ZNF763: variants seen among roughly 807,000 people sequenced by gnomAD.
ZNF763 encodes zinc finger protein 763.
A neutral mutation model predicts 38.0 loss-of-function variants in ZNF763; 33 were observed. That is an observed-to-expected ratio of 0.87 (90% CI 0.66 to 1.16). ZNF763 has a LOEUF of 1.16. ZNF763 is among the 50% of genes most tolerant of loss of function. ZNF763 has a pLI of 0.00. For synonymous variants in ZNF763, 155 were observed against 160.1 expected (o/e 0.97, Z 0.24); for missense variants, 423 against 469.1 (o/e 0.90, Z 0.91).
intron 1 of ZNF763, 24 bp downstream of exon 1, chr19:11,965,235 C>G: frequency 1.2e-6 from 2 of 1,613,904 alleles, no homozygotes; most frequent in Non-Finnish European, 1.7e-6. Context: ...GCCGGTTGTC[C>G]CGAGACGGGG....
In ZNF763 at chr19:11,979,477, G is replaced by A. The variant is rs190285558; in HGVS notation, c.*368G>A. 2.0e-4 allele frequency: 325 copies of A among 1,603,426 alleles called. 3 individuals are homozygous for A. In the East Asian group the frequency reaches 6.1e-3, roughly 30 times the overall value. ...GACCTTATAAATGTAAGACATGTGGGAAAGGCTTTTATTCTCCCACGTCAT... is the reference window on the plus strand; with the variant it reads ...GACCTTATAAATGTAAGACATGTGGAAAAGGCTTTTATTCTCCCACGTCAT... On this transcript the variant is annotated 3_prime_UTR_variant, in exon 4 of 4. Transcript: ENST00000358987.
chr19:11,969,677 G>A lies in ZNF763; in HGVS notation c.3+4466G>A, dbSNP rs77889237. Among the ~76,000 whole-genome samples, 17 of 152,244 alleles carry A rather than the reference G, an allele frequency of 1.1e-4. No individual in the cohort carries two copies. In the East Asian group the frequency reaches 2.3e-3, roughly 21 times the overall value. ...ATTTTCCAAATATATGGGATGCAGC[G>A]TCTCAAATCCTCCACCCTCATACCA... On this transcript the variant is annotated intron_variant, in intron 1 of 3. Coordinates refer to ENST00000358987, the MANE Select transcript of ZNF763 (RefSeq NM_001367172.2).
intron 1 of ZNF763, among the ~76,000 whole-genome samples, chr19:11,968,297 A>G (rs1973279777): frequency 6.6e-6 from 1 of 152,134 alleles, no homozygotes. Flanking sequence ...TCTGTGGCCC[A>G]GGCTGGAGCA....
chr19:11,972,484 T>C (rs1036124689), intron 1 of ZNF763, among the ~76,000 whole-genome samples: 1 of 152,162 alleles, frequency 6.6e-6, no homozygotes, highest in African/African-American at 2.4e-5. Flanking sequence ...AATTGCACAA[T>C]GAATCCAAAT....
chr19:11,975,309 G>A lies in ZNF763; in HGVS notation c.4-1729G>A, dbSNP rs556558510. ...TGGTCTCGAACTCCCAACCTCAGAT[G>A]ATTTCCGCCCCACCCACACCCCCCA... On this transcript the variant is annotated intron_variant, in intron 1 of 3. Coordinates refer to ENST00000358987, the MANE Select transcript of ZNF763 (RefSeq NM_001367172.2). 8.6e-5 allele frequency among the ~76,000 whole-genome samples: 13 copies of A among 151,992 alleles called. No homozygotes were observed. The South Asian group carries it at 2.7e-3, about 32-fold the overall frequency.
chr19:11,980,591 G>A lies in ZNF763; in HGVS notation c.*1482G>A, dbSNP rs1268344936. ...AGGTTGGTTTAGTGAGTCACAGGAA[G>A]CTAATAAATTACAATAATAATGTAA... On this transcript the variant is annotated 3_prime_UTR_variant, in exon 4 of 4. Transcript: ENST00000358987. 2.6e-5 allele frequency among the ~76,000 whole-genome samples: 4 copies of A among 152,084 alleles called. No homozygotes were observed. The highest frequency in any genetic ancestry group is 9.7e-5 in the African/African-American group (4 of 41,398).
In ZNF763 at chr19:11,978,158, T is replaced by C. The variant is rs1303047738; in HGVS notation, c.234T>C (p.Ser78=). ...EGNVNEIKED[S]HCGETFTQVP... is the part of the protein sequence containing the mutation. The stretch of plus-strand genomic sequence containing the variant: ...ATGTCAATGAAATTAAAGAAGACAG[T>C]CATTGTGGAGAAACTTTTACCCAGG... Residue 78 remains serine (S), a synonymous_variant, in exon 4 of 4, where the codon AGT becomes AGC. Coordinates refer to ENST00000358987, the MANE Select transcript of ZNF763 (RefSeq NM_001367172.2). The C allele has an allele frequency of 6.2e-7, 1 of 1,613,740 alleles. No individual in the cohort carries two copies. The highest frequency in any genetic ancestry group is 1.1e-5 in the South Asian group (1 of 91,022).
At chr19:11,967,745 T>G (rs1409090293) in intron 1 of ZNF763, among the ~76,000 whole-genome samples, 1 of 152,118 alleles carries the variant, frequency 6.6e-6, no homozygotes, top group Non-Finnish European at 1.5e-5. Context: ...AAAGAAGGAA[T>G]GTTCTCTGTT....
rs932952578 is a variant in ZNF763, at chr19:11,965,132, G to T, written c.-77G>T. ...TGGTACCTCTACCCAGGTTTCTATCGCTCTGTCTCCTGCGCTGTGCCCTTC... is the reference window on the plus strand; with the variant it reads ...TGGTACCTCTACCCAGGTTTCTATCTCTCTGTCTCCTGCGCTGTGCCCTTC... On this transcript the variant is annotated 5_prime_UTR_variant, in exon 1 of 4. Transcript: ENST00000358987. 1 of 1,603,130 alleles carries T rather than the reference G, an allele frequency of 6.2e-7. No individual in the cohort carries two copies. The highest frequency in any genetic ancestry group is 1.3e-5 in the African/African-American group (1 of 74,642).
chr19:11,974,534 A>T (rs965654736), intron 1 of ZNF763, among the ~76,000 whole-genome samples: 1 of 145,854 alleles, frequency 6.9e-6, no homozygotes, highest in African/African-American at 2.6e-5. Context: ...AATGTTGAGC[A>T]TCCCGTCATA....
At chr19:11,975,300 A>G (rs1399350463) in intron 1 of ZNF763, among the ~76,000 whole-genome samples, 10 of 151,314 alleles carry the variant, frequency 6.6e-5, no homozygotes, top group Admixed American at 5.9e-4. Flanking sequence ...CGAACTCCCA[A>G]CCTCAGATGA....
chr19:11,980,413 G>C lies in ZNF763; in HGVS notation c.*1304G>C, dbSNP rs1250269764. 6.2e-6 allele frequency: 1 copy of C among 162,274 alleles called. No homozygotes were observed. The highest frequency in any genetic ancestry group is 1.3e-5 in the Non-Finnish European group (1 of 75,644). 10.1% of individuals were successfully genotyped at this position (162,274 alleles called of 1,614,324 possible). ...AAAAAAAAAAAAGACTTGGCCTTGT[G>C]GTGAGGGGATGTCAGCTCTAGACTC... On this transcript the variant is annotated 3_prime_UTR_variant, in exon 4 of 4. Coordinates refer to ENST00000358987, the MANE Select transcript of ZNF763 (RefSeq NM_001367172.2).
rs201620054 is a variant in ZNF763 at position 11,979,091 on chromosome 19, C to T, written c.1167C>T (p.Leu389=). ...TTTCAAACACACCTAAGAATGCGCT[C>T]TGGAGAAAGACCTTATAAATGTTAG... ...YKFSNTPKNA[L]WRKTL Residue 389 remains leucine, a synonymous_variant, in exon 4 of 4, where the codon CTC becomes CTT. Transcript: ENST00000358987. 1.4e-4 allele frequency: 227 copies of T among 1,613,934 alleles called. No individual in the cohort carries two copies. The highest frequency in any genetic ancestry group is 1.9e-4 in the Non-Finnish European group (219 of 1,180,016).
chr19:11,968,710 T>C (rs764204363), intron 1 of ZNF763, among the ~76,000 whole-genome samples: 2 of 152,070 alleles, frequency 1.3e-5, no homozygotes, highest in Admixed American at 6.6e-5. Flanking sequence ...GGGAAATTAG[T>C]GTACTATAGA....
intron 1 of ZNF763, among the ~76,000 whole-genome samples, chr19:11,966,437 G>C (rs968222868): frequency 1.3e-5 from 2 of 152,154 alleles, no homozygotes; most frequent in Non-Finnish European, 2.9e-5. Flanking sequence ...GCAATGGCTG[G>C]ATCTCGGCTC....
In ZNF763 at chr19:11,978,163, G is replaced by T; in HGVS notation, c.239G>T (p.Cys80Phe). 6.2e-7 allele frequency: 1 copy of T among 1,613,898 alleles called. No homozygotes were observed. Among genetic ancestry groups the T allele is most frequent in the Non-Finnish European group, 8.5e-7 (1 of 1,179,954 alleles). The change falls in exon 4 of 4, where the codon TGT becomes TTT. Residue 80 changes from cysteine to phenylalanine, a missense_variant. By Grantham distance (205) the Cys-to-Phe change is radical. Transcript: ENST00000358987. ...NVNEIKEDSH[C>F]GETFTQVPDD... is the part of the protein sequence containing the mutation. ...AATGAAATTAAAGAAGACAGTCATT[G>T]TGGAGAAACTTTTACCCAGGTTCCA...
Position 11,978,223 on chromosome 19 carries a change from C to G in ZNF763, c.299C>G (p.Ser100Cys), listed in dbSNP as rs771689315. The change falls in exon 4 of 4, where the codon TCT becomes TGT. Residue 100 changes from serine to cysteine, a missense_variant. Ser to Cys is a moderately radical substitution (Grantham distance 112). Transcript: ENST00000358987. ...DRLNFQEKKA[S>C]PEAKSCDNFV... ...CTGAACTTCCAGGAGAAGAAAGCTT[C>G]TCCTGAAGCAAAATCATGTGATAAC... 6.2e-7 allele frequency: 1 copy of G among 1,614,062 alleles called. No homozygotes were observed. Among genetic ancestry groups the G allele is most frequent in the Admixed American group, 1.7e-5 (1 of 60,010 alleles).
At chr19:11,975,080 G>C (rs35510166) in intron 1 of ZNF763, among the ~76,000 whole-genome samples, 1,919 of 152,014 alleles carry the variant, frequency 0.013, 23 homozygotes, top group South Asian at 0.024. Flanking sequence ...TCATAGTACG[G>C]GCCAAGATGT....
chr19:11,975,386 A>AT lies in ZNF763; in HGVS notation c.4-1641dup, dbSNP rs34441299. Among the ~76,000 whole-genome samples, 745 of 132,694 alleles carry AT rather than the reference A, an allele frequency of 5.6e-3. 5 individuals carry two copies. Among genetic ancestry groups the AT allele is most frequent in the African/African-American group, 0.019 (695 of 36,060 alleles). The allele number at this position is 132,694 out of a possible 152,430, so 87.1% of individuals were successfully genotyped here. A position where few individuals can be genotyped will look rare whatever the true frequency, so the allele number is the denominator to read the frequency against. ...ACTGCACCCGGCCAAGATGTTATTGATTTTTTTTTTTATTTTATTATTATT... is the reference window on the plus strand; with the variant it reads ...ACTGCACCCGGCCAAGATGTTATTGATTTTTTTTTTTTATTTTATTATTATT... On this transcript the variant is annotated intron_variant, in intron 1 of 3. Transcript: ENST00000358987.
Sources: allele counts gnomAD v4.1 joint callset (sites outside exome capture counted in the v4.1 genomes callset), GRCh38; gene constraint gnomAD v4.1.1; transcripts MANE v1.5; gene names NCBI Gene and HGNC (gene_info 2026-07-23, HGNC 2026-07-21).